TUBGCP5: variants seen among roughly 807,000 people sequenced by gnomAD.
TUBGCP5 encodes tubulin gamma complex component 5, also known as gamma-tubulin complex component 5.
TUBGCP5 carries 98 observed loss-of-function variants against 134.7 expected under a neutral mutation model. The ratio of observed to expected loss-of-function variants is 0.73; its 90% CI spans 0.62 to 0.86. TUBGCP5 has a LOEUF of 0.86. Among genes scored for constraint, TUBGCP5 ranks in the 40% least tolerant of loss-of-function variants. The probability of loss-of-function intolerance (pLI) is 0.00; values close to 1 mark genes in which losing one functional copy is unlikely to be tolerated. For missense variants in TUBGCP5, 1,150 were observed against 1,244.8 expected (o/e 0.92, Z 1.15); for synonymous variants, 456 against 431.4 (o/e 1.06, Z -0.71).
intron 13 of TUBGCP5, among the ~76,000 whole-genome samples, chr15:23,016,463 C>T (rs1221439177): frequency 2.7e-5 from 4 of 148,360 alleles, no homozygotes; most frequent in East Asian, 2.0e-4. Flanking sequence ...CACTGCACTC[C>T]AGCCTGGGTG....
intron 19 of TUBGCP5, 136 bp downstream of exon 19, chr15:23,005,296 T>G (rs1167782333): frequency 9.1e-6 from 9 of 985,650 alleles, no homozygotes; most frequent in Non-Finnish European, 1.2e-5. Context: ...CATGTTATTT[T>G]ATGATCAAAT....
downstream of TUBGCP5, among the ~76,000 whole-genome samples, chr15:22,995,584 A>C (rs180968523): frequency 4.3e-4 from 65 of 151,832 alleles, 2 homozygotes; most frequent in East Asian, 0.011. Context: ...CAAAAAAAAA[A>C]AAAAACAAAA....
rs149669566 is a variant in TUBGCP5 at position 23,037,104 on chromosome 15, G to T, written c.195C>A (p.Ile65=). The T allele has an allele frequency of 1.3e-3, 2,166 of 1,613,630 alleles. 8 individuals are homozygous for T. Among genetic ancestry groups the T allele is most frequent in the Non-Finnish European group, 1.7e-3 (2,014 of 1,179,852 alleles). Residue 65 remains isoleucine (I), a synonymous_variant, in exon 2 of 23, where the codon ATC becomes ATA. Coordinates refer to ENST00000615383, the MANE Select transcript of TUBGCP5 (RefSeq NM_052903.6). ...ATATATACACACTGACTTACCCTTCGATTGTTTTTTCTATTTTGTGGCTGT... is the reference window on the plus strand; with the variant it reads ...ATATATACACACTGACTTACCCTTCTATTGTTTTTTCTATTTTGTGGCTGT... ...DVNSHKIEKT[I]EGIYEKFVIH...
intron 23 of TUBGCP5, among the ~76,000 whole-genome samples, chr15:22,986,880 G>A (rs2063696803): frequency 6.6e-6 from 1 of 152,170 alleles, no homozygotes; most frequent in African/African-American, 2.4e-5. Flanking sequence ...TCTTTGTCAG[G>A]CTGATATTGA....
downstream of TUBGCP5, among the ~76,000 whole-genome samples, chr15:22,995,904 C>T (rs1365668241): frequency 2.0e-5 from 3 of 151,924 alleles, no homozygotes; most frequent in Non-Finnish European, 1.5e-5. Flanking sequence ...TTAAGTCTGG[C>T]TTTTTTTTCG....
intron 14 of TUBGCP5, 105 bp from the exon 15 acceptor site, chr15:23,010,238 CAACTATTACAG>C (rs1312421579): frequency 6.2e-5 from 75 of 1,208,990 alleles, no homozygotes; most frequent in Non-Finnish European, 8.0e-5. Flanking sequence ...TTGAAGTTAC[CAACTATTACAG>C]AAAGAGAAAA....
chr15:23,003,914 A>G (rs943476096), intron 20 of TUBGCP5, among the ~76,000 whole-genome samples, 188 bp downstream of exon 20: 4 of 152,000 alleles, frequency 2.6e-5, no homozygotes, highest in East Asian at 1.9e-4. Context: ...CAGTTTCCCA[A>G]TGTGCTGGGA....
intron 20 of TUBGCP5, among the ~76,000 whole-genome samples, 180 bp downstream of exon 20, chr15:23,003,922 G>A (rs1456654461): frequency 6.6e-6 from 1 of 152,084 alleles, no homozygotes; most frequent in Non-Finnish European, 1.5e-5. Flanking sequence ...CAATGTGCTG[G>A]GATTACAGGC....
intron 23 of TUBGCP5, among the ~76,000 whole-genome samples, chr15:22,984,458 GA>G (rs2063623261): frequency 6.6e-6 from 1 of 151,704 alleles, no homozygotes; most frequent in Non-Finnish European, 1.5e-5. Flanking sequence ...TGTCTCTACT[GA>G]AAATACCAAA....
chr15:22,996,493 CTTT>C (rs1567088044), downstream of TUBGCP5, among the ~76,000 whole-genome samples: 1 of 151,982 alleles, frequency 6.6e-6, no homozygotes, highest in Admixed American at 6.6e-5. Flanking sequence ...TTTTTATTTT[CTTT>C]AATTTTTGAA....
At chr15:23,012,394 C>T (rs1390722398) in intron 13 of TUBGCP5, among the ~76,000 whole-genome samples, 1 of 152,034 alleles carries the variant, frequency 6.6e-6, no homozygotes, top group African/African-American at 2.4e-5. Context: ...TCTTCCAAGC[C>T]TTTTTAGTCA....
chr15:22,997,913 G>A (rs2064169460), downstream of TUBGCP5, among the ~76,000 whole-genome samples: 1 of 147,576 alleles, frequency 6.8e-6, no homozygotes, highest in Non-Finnish European at 1.5e-5. Context: ...ACTATGTGTG[G>A]CCTTTTTTTT....
downstream of TUBGCP5, among the ~76,000 whole-genome samples, chr15:22,996,030 G>A (rs533851257): frequency 2.0e-5 from 3 of 152,216 alleles, no homozygotes; most frequent in Admixed American, 6.5e-5. Flanking sequence ...CCTCTTCACC[G>A]TCATCAGGAT....
chr15:22,983,501 C>G (rs941251904), exon 24 of TUBGCP5: 2 of 152,062 alleles, frequency 1.3e-5, no homozygotes, highest in African/African-American at 4.8e-5. Flanking sequence ...TTTGGGAGGT[C>G]AAGGTGGGCG....
intron 16 of TUBGCP5, among the ~76,000 whole-genome samples, chr15:23,006,724 G>A (rs971607514): frequency 2.0e-5 from 3 of 152,122 alleles, no homozygotes; most frequent in Non-Finnish European, 2.9e-5. Context: ...CGACGGAGCC[G>A]AGCATGTGGT....
intron 23 of TUBGCP5, among the ~76,000 whole-genome samples, chr15:22,989,206 C>T (rs1313739873): frequency 6.6e-6 from 1 of 152,190 alleles, no homozygotes. Context: ...CTAACATAGT[C>T]ACACGGCCCA....
chr15:23,005,971 G>A (rs965716212), intron 18 of TUBGCP5, 81 bp downstream of exon 18: 2 of 1,384,050 alleles, frequency 1.4e-6, no homozygotes, highest in Admixed American at 2.9e-5. Context: ...ATCCCCGTAT[G>A]CTTCCCTTTC....
chr15:22,991,668 G>A (rs972119944), intron 23 of TUBGCP5, among the ~76,000 whole-genome samples: 8 of 152,136 alleles, frequency 5.3e-5, no homozygotes, highest in Middle Eastern at 3.2e-3. Context: ...ATAATCAAAA[G>A]GAACAGAATC....
In TUBGCP5 at chr15:23,039,477, C is replaced by G. The variant is rs745571227; in HGVS notation, c.67G>C (p.Val23Leu). The stretch of plus-strand genomic sequence containing the variant: ...TCCTGGAGGCCGGCGACACCCCGGA[C>G]GAGCTCCCGCACGTCGCGCTCCTGC... ...AQQERDVRELVRGVAGLQDEA... is the reference protein window; with the variant it reads ...AQQERDVRELLRGVAGLQDEA... Residue 23 changes from valine (V) to leucine (L), a missense_variant, in exon 1 of 23, where the codon GTC (valine) becomes CTC (leucine). Physicochemically the swap from Val to Leu is conservative, Grantham distance 32. Transcript: ENST00000615383. The G allele has an allele frequency of 2.6e-6, 4 of 1,531,622 alleles. No homozygotes were observed. Among genetic ancestry groups the G allele is most frequent in the Admixed American group, 3.8e-5 (2 of 52,750 alleles). The allele number at this position is 1,531,622 out of a possible 1,614,324, so 94.9% of individuals were successfully genotyped here.
Sources: gnomAD v4.1 joint callset for allele counts (sites outside exome capture counted in the v4.1 genomes callset) on GRCh38, gnomAD v4.1.1 for gene constraint, MANE v1.5 for transcripts, NCBI Gene and HGNC (gene_info 2026-07-23, HGNC 2026-07-21) for gene names.